The following EFCAB8 variants were observed in gnomAD, a reference collection of about 807,000 sequenced individuals.
EFCAB8 encodes EF-hand calcium-binding domain-containing protein 8.
In EFCAB8, 100 loss-of-function variants were observed where a neutral mutation model predicts 116.3. That is an observed-to-expected ratio of 0.86 (90% confidence interval 0.73 to 1.02). EFCAB8 has a LOEUF of 1.02. EFCAB8 is among the 50% of genes least tolerant of loss of function. The pLI is 0.00. For synonymous variants in EFCAB8, 558 were observed against 567.9 expected, an observed-to-expected ratio of 0.98 and a Z score of 0.25; for missense variants, 1,320 against 1,416.9, an observed-to-expected ratio of 0.93 and a Z score of 1.10.
intron 24 of EFCAB8, among the ~76,000 whole-genome samples, chr20:32,959,399 C>T (rs185428238): frequency 6.6e-6 from 1 of 152,322 alleles, no homozygotes; most frequent in Admixed American, 6.5e-5. Context: ...CCTATGCTTC[C>T]ATCAAGGCAT....
chr20:32,930,366 C>T (rs1020405879), intron 20 of EFCAB8, 32 bp from the exon 21 acceptor site: 3 of 1,534,044 alleles, frequency 2.0e-6, no homozygotes, highest in Non-Finnish European at 2.6e-6. Context: ...GGCTCACAGC[C>T]CTGCTGAGCC....
At chr20:32,902,497 A>G (rs1472254423) in intron 11 of EFCAB8, among the ~76,000 whole-genome samples, 1 of 152,204 alleles carries the variant, frequency 6.6e-6, no homozygotes, top group African/African-American at 2.4e-5. Context: ...CTGTAATCCT[A>G]GCACTTAGGG....
At chr20:32,945,449 G>A (rs907456460) in intron 23 of EFCAB8, among the ~76,000 whole-genome samples, 1 of 152,144 alleles carries the variant, frequency 6.6e-6, no homozygotes, top group Non-Finnish European at 1.5e-5. Flanking sequence ...GGCCACCATG[G>A]CTGGCCTCTG....
intron 8 of EFCAB8, among the ~76,000 whole-genome samples, chr20:32,892,600 C>T (rs893395564): frequency 3.3e-5 from 5 of 152,090 alleles, no homozygotes; most frequent in African/African-American, 7.2e-5. Context: ...CAGTCTATTG[C>T]GAGGGGTGAC....
In EFCAB8 at chr20:32,935,655, C is replaced by T. The variant is rs370020426; in HGVS notation, c.2790+4319C>T. Among the ~76,000 whole-genome samples, 201 of 151,918 alleles carry T rather than the reference C, an allele frequency of 1.3e-3. 3 individuals carry two copies. The highest frequency in any genetic ancestry group is 4.4e-3 in the South Asian group (21 of 4,810). ...CCAAGTAGGTGGGATTACAGGCATGCGCCACCACGCCCAACTAATTTTGTA... is the reference window on the plus strand; with the variant it reads ...CCAAGTAGGTGGGATTACAGGCATGTGCCACCACGCCCAACTAATTTTGTA... On this transcript the variant is annotated intron_variant, in intron 22 of 26. Coordinates refer to ENST00000400522, the MANE Select transcript of EFCAB8 (RefSeq NM_001143967.2).
chr20:32,947,223 G>A (rs2146295597), intron 23 of EFCAB8, among the ~76,000 whole-genome samples: 1 of 152,158 alleles, frequency 6.6e-6, no homozygotes, highest in Admixed American at 6.5e-5. Flanking sequence ...ATCAACATTT[G>A]GTGTTTGATC....
intron 22 of EFCAB8, among the ~76,000 whole-genome samples, chr20:32,943,057 G>A (rs1404287582): frequency 2.0e-5 from 3 of 152,084 alleles, no homozygotes; most frequent in Non-Finnish European, 4.4e-5. Flanking sequence ...TTTAAAAATG[G>A]TCATTTTCAC....
intron 23 of EFCAB8, among the ~76,000 whole-genome samples, chr20:32,948,556 GAAAGAAAGAA>G (rs1988686040): frequency 6.9e-6 from 1 of 145,754 alleles, no homozygotes; most frequent in African/African-American, 2.6e-5. Context: ...AAGAAAGAAA[GAAAGAAAGAA>G]AGAAAGAAAG....
intron 9 of EFCAB8, among the ~76,000 whole-genome samples, chr20:32,894,589 G>A (rs1568915032): frequency 6.6e-6 from 1 of 152,232 alleles, no homozygotes; most frequent in South Asian, 2.1e-4. Flanking sequence ...TGACGATGAG[G>A]TGGGCCCAGT....
intron 6 of EFCAB8, among the ~76,000 whole-genome samples, 159 bp downstream of exon 6, chr20:32,885,799 G>A (rs1487290357): frequency 1.3e-5 from 2 of 152,128 alleles, no homozygotes; most frequent in Non-Finnish European, 2.9e-5. Context: ...CTTCACTGTG[G>A]GAGCCACACA....
chr20:32,863,895 T>G, intron 2 of EFCAB8, 61 bp downstream of exon 2: 2 of 1,530,460 alleles, frequency 1.3e-6, no homozygotes, highest in Non-Finnish European at 1.8e-6. Flanking sequence ...ACCCAAAACC[T>G]CACTTACCAG....
intron 3 of EFCAB8, among the ~76,000 whole-genome samples, chr20:32,872,297 A>T (rs1984717977): frequency 6.6e-6 from 1 of 152,130 alleles, no homozygotes; most frequent in African/African-American, 2.4e-5. Context: ...TTTCTTCCTT[A>T]TGTAGGTAGT....
Position 32,958,439 on chromosome 20 carries a change from T to A in EFCAB8, c.2978T>A (p.Val993Glu). The A allele has an allele frequency of 2.4e-6, 1 of 416,780 alleles. No individual in the cohort carries two copies. The highest frequency in any genetic ancestry group is 4.4e-6 in the Non-Finnish European group (1 of 226,380). The allele number at this position is 416,780 out of a possible 1,614,324, so 25.8% of individuals were successfully genotyped here. Residue 993 changes from valine to glutamate, a missense_variant, in exon 24 of 27, where the codon GTG (valine) becomes GAG (glutamate). Val to Glu is a moderately radical substitution (Grantham distance 121, BLOSUM62 -2). Transcript: ENST00000400522. ...ATCACAGGAACGTTTGGCCTGAGTGTGTGGAAAAGACTACAGGATGCCTGT... is the reference window on the plus strand; with the variant it reads ...ATCACAGGAACGTTTGGCCTGAGTGAGTGGAAAAGACTACAGGATGCCTGT... ...GDAIGTFGLS[V>E]WKRLQDACDG...
At chr20:32,939,157 TTC>T (rs1491460056) in intron 22 of EFCAB8, among the ~76,000 whole-genome samples, 2 of 88,672 alleles carry the variant, frequency 2.3e-5, no homozygotes, top group East Asian at 5.6e-4. Flanking sequence ...CTTTCTTTCT[TTC>T]TTTCTTTCTT....
chr20:32,875,817 G>C, intron 3 of EFCAB8, 109 bp from the exon 4 acceptor site: 1 of 931,824 alleles, frequency 1.1e-6, no homozygotes, highest in East Asian at 2.7e-5. Flanking sequence ...CCGTAGATGT[G>C]GTCTTCAGTG....
At chr20:32,864,910 G>C (rs919314036) in intron 2 of EFCAB8, among the ~76,000 whole-genome samples, 12 of 152,250 alleles carry the variant, frequency 7.9e-5, no homozygotes, top group African/African-American at 2.9e-4. Context: ...GGCTTCACAT[G>C]TATTCAGGTG....
intron 17 of EFCAB8, 171 bp from the exon 18 acceptor site, chr20:32,917,130 T>G: frequency 3.3e-6 from 2 of 604,986 alleles, no homozygotes; most frequent in Non-Finnish European, 5.9e-6. Context: ...AAGCATGTAG[T>G]AAGCGCTTAG....
rs991718605 is a variant in EFCAB8, at chr20:32,863,963, G to A, written c.42+129G>A. ...GGGGTTGCATACTCAGATATTTACT[G>A]GGCAGGTAACTTAAGTGTATTTTTT... is the stretch of plus-strand genomic sequence containing the variant. On this transcript the variant is annotated intron_variant, in intron 2 of 26. Coordinates refer to ENST00000400522, the MANE Select transcript of EFCAB8 (RefSeq NM_001143967.2). 15 of 1,054,772 alleles carry A rather than the reference G, an allele frequency of 1.4e-5. No individual in the cohort carries two copies. In the African/African-American group the frequency reaches 2.2e-4, roughly 15 times the overall value. 65.3% of individuals were successfully genotyped at this position (1,054,772 alleles called of 1,614,324 possible).
At chr20:32,936,192 C>T (rs34867308) in intron 22 of EFCAB8, among the ~76,000 whole-genome samples, 28,312 of 151,946 alleles carry the variant, frequency 0.19, 3,500 homozygotes, top group Middle Eastern at 0.27. Flanking sequence ...GCCACCATGC[C>T]TAGCTAATTT....
Sources: gnomAD v4.1 joint callset for allele counts (sites outside exome capture counted in the v4.1 genomes callset) on GRCh38, gnomAD v4.1.1 for gene constraint, MANE v1.5 for transcripts, NCBI Gene and HGNC (gene_info 2026-07-23, HGNC 2026-07-21) for gene names.